THNSL1: variants seen among roughly 807,000 people sequenced by gnomAD.
THNSL1 encodes threonine synthase like 1, also known as threonine synthase-like 1.
In THNSL1, 48 loss-of-function variants were observed where a neutral mutation model predicts 50.4. That is an observed-to-expected ratio of 0.95 (90% CI 0.76 to 1.21). The LOEUF is 1.21. Ranked by LOEUF, THNSL1 falls within the 50% of genes most tolerant of loss-of-function variation. The pLI, the probability that THNSL1 is intolerant of heterozygous loss-of-function variation, is 0.00. For synonymous variants in THNSL1, 309 were observed against 306.1 expected (o/e 1.01, Z -0.10); for missense variants, 896 against 871.7 (o/e 1.03, Z -0.35).
the THNSL1 span, chr10:24,999,363 T>C: frequency 1.3e-6 from 2 of 1,562,004 alleles, no homozygotes; most frequent in South Asian, 2.4e-5. Context: ...CACCTGCTAA[T>C]GCTTTTAATA....
the THNSL1 span, among the ~76,000 whole-genome samples, chr10:24,985,847 T>C: frequency 6.6e-6 from 1 of 152,100 alleles, no homozygotes; most frequent in Admixed American, 6.5e-5. Context: ...ACAGGTGAAT[T>C]GCTTGAGCCC....
the THNSL1 span, among the ~76,000 whole-genome samples, chr10:24,991,178 A>T: frequency 2.0e-5 from 3 of 152,144 alleles, no homozygotes; most frequent in East Asian, 3.9e-4. Context: ...CTCCTGGCTG[A>T]TACTTTACTC....
At chr10:25,006,441 G>C in the THNSL1 span, among the ~76,000 whole-genome samples, 1 of 151,836 alleles carries the variant, frequency 6.6e-6, no homozygotes, top group Non-Finnish European at 1.5e-5. Context: ...ATATGACTTA[G>C]AGTGTAATTG....
chr10:24,993,001 A>C, the THNSL1 span, among the ~76,000 whole-genome samples: 1 of 152,348 alleles, frequency 6.6e-6, no homozygotes, highest in African/African-American at 2.4e-5. Context: ...ACTCTGTTTA[A>C]GAAAGAGAAT....
intron 1 of THNSL1, among the ~76,000 whole-genome samples, chr10:25,019,981 C>T (rs1463027858): frequency 2.0e-5 from 3 of 151,918 alleles, no homozygotes; most frequent in African/African-American, 2.4e-5. Flanking sequence ...TTGCAGCAGA[C>T]GTTCTCAAAA....
At chr10:25,016,938 C>T (rs938398300) in intron 1 of THNSL1, 7 of 152,498 alleles carry the variant, frequency 4.6e-5, no homozygotes, top group African/African-American at 1.4e-4. Flanking sequence ...GTCGAGGCTC[C>T]TCGGAACGCC....
At chr10:24,971,566 A>T in the THNSL1 span, among the ~76,000 whole-genome samples, 2 of 152,222 alleles carry the variant, frequency 1.3e-5, no homozygotes, top group South Asian at 4.1e-4. Flanking sequence ...TGTGTAGTGG[A>T]TACATAGAGT....
the THNSL1 span, among the ~76,000 whole-genome samples, chr10:25,009,896 C>A: frequency 2.6e-5 from 4 of 152,162 alleles, no homozygotes; most frequent in Admixed American, 6.5e-5. Flanking sequence ...TGTGGAACTG[C>A]GAGTCAAACC....
At chr10:25,019,628 T>C (rs1485096837) in intron 1 of THNSL1, among the ~76,000 whole-genome samples, 1 of 152,276 alleles carries the variant, frequency 6.6e-6, no homozygotes, top group East Asian at 1.9e-4. Flanking sequence ...GCACAGGTTA[T>C]ATGCAAATAC....
chr10:24,972,142 A>G, the THNSL1 span, among the ~76,000 whole-genome samples: 5 of 152,024 alleles, frequency 3.3e-5, no homozygotes, highest in African/African-American at 1.2e-4. Flanking sequence ...CAGTGAGCCA[A>G]GATGGCGCCA....
upstream of THNSL1, chr10:25,016,096 G>A (rs1210138729): frequency 7.6e-7 from 1 of 1,321,692 alleles, no homozygotes; most frequent in Non-Finnish European, 9.7e-7. Flanking sequence ...CCCCCTCTTA[G>A]CAGTCCTCTC....
chr10:24,968,570 AC>A, the THNSL1 span, among the ~76,000 whole-genome samples: 1 of 151,934 alleles, frequency 6.6e-6, no homozygotes, highest in African/African-American at 2.4e-5. Flanking sequence ...CACACCCACG[AC>A]TTTTCTCAGC....
the THNSL1 span, among the ~76,000 whole-genome samples, chr10:24,966,119 A>G: frequency 1.3e-5 from 2 of 152,208 alleles, no homozygotes; most frequent in Non-Finnish European, 2.9e-5. Flanking sequence ...CAGATTCATC[A>G]CCTCCCTCCT....
Position 25,024,515 on chromosome 10 carries a change from TG to T in THNSL1, c.1295del (p.Gly432ValfsTer13), listed in dbSNP as rs756551879. ...AGTCAGAGAGAAAATGGATGGGCAG[TG>T]GGTGTTGAGTCAGATTTTGATTTTT... ...IGSQRENGWA[V>X]GVESDFDFCQ... On this transcript the variant is annotated frameshift_variant, in exon 3 of 3. Transcript: ENST00000376356. LOFTEE classifies it high-confidence loss of function. 5.0e-6 allele frequency: 8 copies of T among 1,614,184 alleles called. No individual in the cohort carries two copies. In the African/African-American group the frequency reaches 6.7e-5, roughly 13 times the overall value.
At chr10:24,988,348 TTA>T in the THNSL1 span, among the ~76,000 whole-genome samples, 11 of 145,604 alleles carry the variant, frequency 7.6e-5, no homozygotes, top group Non-Finnish European at 1.5e-4. Context: ...ATATATATAT[TTA>T]TATATGTGTA....
chr10:24,988,084 C>A, the THNSL1 span, among the ~76,000 whole-genome samples: 1 of 151,266 alleles, frequency 6.6e-6, no homozygotes, highest in African/African-American at 2.4e-5. Context: ...ATTAGGTGGG[C>A]GTGGTGGTGC....
At chr10:25,009,900 T>A in the THNSL1 span, among the ~76,000 whole-genome samples, 14 of 152,292 alleles carry the variant, frequency 9.2e-5, 1 homozygote, top group South Asian at 1.7e-3. Context: ...GAACTGCGAG[T>A]CAAACCTCTT....
At chr10:24,965,322 G>A in the THNSL1 span, among the ~76,000 whole-genome samples, 148 of 152,184 alleles carry the variant, frequency 9.7e-4, no homozygotes, top group East Asian at 8.5e-3. Flanking sequence ...TTATTCTTCC[G>A]CGTTTCCTCC....
At chr10:24,952,678 AC>A in the THNSL1 span, 1 of 253,000 alleles carries the variant, frequency 4.0e-6, no homozygotes, top group African/African-American at 2.6e-5. This position sits in a 1 kb window ranked among gnomAD's most constrained non-coding sequence, Gnocchi z 5.1. Flanking sequence ...GGGGACGGGG[AC>A]GGGGACGGGG....
Sources: allele counts gnomAD v4.1 joint callset (sites outside exome capture counted in the v4.1 genomes callset), GRCh38; gene constraint gnomAD v4.1.1; non-coding constraint Gnocchi (gnomAD v3.1); transcripts MANE v1.5; gene names NCBI Gene and HGNC (gene_info 2026-07-23, HGNC 2026-07-21).